DHRS3: variants seen among roughly 807,000 people sequenced by gnomAD.
DHRS3 encodes the protein short-chain dehydrogenase/reductase 3.
A neutral mutation model predicts 27.2 loss-of-function variants in DHRS3; 14 were observed. The observed-to-expected ratio is 0.52, with a 90% confidence interval of 0.34 to 0.81. The LOEUF (loss-of-function observed/expected upper bound fraction) is 0.81. Among genes scored for constraint, DHRS3 ranks in the 30% least tolerant of loss-of-function variants. The pLI is 0.01. For synonymous variants in DHRS3, 165 were observed against 175.9 expected, an observed-to-expected ratio of 0.94 and a Z score of 0.49; for missense variants, 322 against 406.2, an observed-to-expected ratio of 0.79 and a Z score of 1.78.
intron 1 of DHRS3, among the ~76,000 whole-genome samples, chr1:12,602,433 A>G (rs1646841758): frequency 6.6e-6 from 1 of 152,278 alleles, no homozygotes. Flanking sequence ...AAAGTCTCCA[A>G]TTCCCCCTGA....
rs543607539 is a variant in DHRS3, at chr1:12,591,178, T to C, written c.196-10512A>G. 1.1e-3 allele frequency among the ~76,000 whole-genome samples: 173 copies of C among 152,358 alleles called. No individual in the cohort carries two copies. The highest frequency in any genetic ancestry group is 0.01 in the Middle Eastern group (3 of 294). ...TAAAAATAGTAACAGCTAGCATTTA[T>C]TGGTGTAGCCCTAGGTCGTTACAGG... is the stretch of plus-strand genomic sequence containing the variant. On this transcript the variant is annotated intron_variant, in intron 1 of 5. Transcript: ENST00000616661. The surrounding 1 kb of genome is among the most constrained non-coding windows in gnomAD (Gnocchi z 4.1).
intron 1 of DHRS3, among the ~76,000 whole-genome samples, chr1:12,615,436 G>C (rs79244028): frequency 6.6e-6 from 1 of 152,132 alleles, no homozygotes; most frequent in Non-Finnish European, 1.5e-5. Context: ...TTTGGTTCCC[G>C]GTGCGTGAAC....
At chr1:12,590,120 A>G (rs1646732945) in intron 1 of DHRS3, among the ~76,000 whole-genome samples, 2 of 152,094 alleles carry the variant, frequency 1.3e-5, no homozygotes, top group Admixed American at 6.6e-5. Flanking sequence ...GTCCACCTGC[A>G]GAGCAAGCTG....
chr1:12,605,331 T>G lies in DHRS3; in HGVS notation c.195+11823A>C, dbSNP rs965504335. 3.3e-5 allele frequency among the ~76,000 whole-genome samples: 5 copies of G among 152,302 alleles called. No individual in the cohort carries two copies. The East Asian group carries it at 9.6e-4, about 29-fold the overall frequency. The stretch of plus-strand genomic sequence containing the variant: ...TCATTCTTGCATATTAATATGGTCT[T>G]GTAGAGTATCCATCTTGTATATTAC... On this transcript the variant is annotated intron_variant, in intron 1 of 5. Transcript: ENST00000616661.
intron 3 of DHRS3, 50 bp from the exon 4 acceptor site, chr1:12,579,006 C>A (rs902534175): frequency 1.3e-6 from 2 of 1,524,046 alleles, no homozygotes; most frequent in African/African-American, 1.4e-5. Flanking sequence ...TCTGACAACC[C>A]CTCCACCTTT....
chr1:12,604,235 C>A (rs761793507), intron 1 of DHRS3, among the ~76,000 whole-genome samples: 8 of 152,158 alleles, frequency 5.3e-5, no homozygotes, highest in Non-Finnish European at 1.2e-4. Context: ...AGCTCTCAGG[C>A]CACGCAGAGC....
chr1:12,611,934 AAAATAAAT>A (rs138133904), intron 1 of DHRS3, among the ~76,000 whole-genome samples: 1 of 144,744 alleles, frequency 6.9e-6, no homozygotes, highest in African/African-American at 2.6e-5. Flanking sequence ...CTCTATTTTT[AAAATAAAT>A]AAATAAATAA....
chr1:12,603,797 A>G (rs1646851767), intron 1 of DHRS3, among the ~76,000 whole-genome samples: 1 of 152,232 alleles, frequency 6.6e-6, no homozygotes, highest in African/African-American at 2.4e-5. Flanking sequence ...CAATGAGGTA[A>G]GAAAGGCTGG....
rs537640849 is a variant in DHRS3 at position 12,593,627 on chromosome 1, C to T, written c.196-12961G>A. On this transcript the variant is annotated intron_variant, in intron 1 of 5. Transcript: ENST00000616661. This position sits in a 1 kb window ranked among gnomAD's most constrained non-coding sequence, Gnocchi z 4.6. The stretch of plus-strand genomic sequence containing the variant: ...TCTACCCTTCTTTGATTTCCTCCTT[C>T]CCAGTTGCTGAGACAGGCATGTCTC... Among the ~76,000 whole-genome samples, 9 of 152,308 alleles carry T rather than the reference C, an allele frequency of 5.9e-5. No homozygotes were observed. Among genetic ancestry groups the T allele is most frequent in the Non-Finnish European group, 1.0e-4 (7 of 68,030 alleles).
intron 1 of DHRS3, among the ~76,000 whole-genome samples, chr1:12,595,224 G>A (rs1469826650): frequency 6.6e-6 from 1 of 152,198 alleles, no homozygotes; most frequent in Non-Finnish European, 1.5e-5. Context: ...AAAGTGCCCG[G>A]GCCGTCCCAA....
chr1:12,611,467 C>T (rs1331083811), intron 1 of DHRS3, among the ~76,000 whole-genome samples: 1 of 152,224 alleles, frequency 6.6e-6, no homozygotes, highest in Non-Finnish European at 1.5e-5. Flanking sequence ...CAGACAGCTA[C>T]CTGTTGAGGG....
At chr1:12,610,168 T>C (rs1401901956) in intron 1 of DHRS3, among the ~76,000 whole-genome samples, 3 of 152,040 alleles carry the variant, frequency 2.0e-5, no homozygotes, top group Non-Finnish European at 1.5e-5. Flanking sequence ...AACCTCCGCC[T>C]CCCAGGTTCA....
At chr1:12,604,974 G>A (rs531139358) in intron 1 of DHRS3, among the ~76,000 whole-genome samples, 1 of 152,124 alleles carries the variant, frequency 6.6e-6, no homozygotes, top group African/African-American at 2.4e-5. Flanking sequence ...GAACCTGGGA[G>A]GCGGAGGCAG....
chr1:12,613,091 G>C (rs1038765212), intron 1 of DHRS3, among the ~76,000 whole-genome samples: 1 of 151,364 alleles, frequency 6.6e-6, no homozygotes, highest in Admixed American at 6.6e-5. Flanking sequence ...ACGGGACGTA[G>C]ACACACACAG....
intron 1 of DHRS3, among the ~76,000 whole-genome samples, chr1:12,609,145 C>T (rs976013050): frequency 2.6e-5 from 4 of 152,208 alleles, no homozygotes; most frequent in African/African-American, 9.7e-5. Context: ...CTCATCCTTC[C>T]ACAGTGTTAG....
Position 12,568,255 on chromosome 1 carries a change from T to G in DHRS3, c.*85A>C. 7.8e-7 allele frequency: 1 copy of G among 1,279,692 alleles called. No homozygotes were observed. The highest frequency in any genetic ancestry group is 1.1e-6 in the Non-Finnish European group (1 of 880,428). The allele number at this position is 1,279,692 out of a possible 1,614,324, so 79.3% of individuals were successfully genotyped here. On this transcript the variant is annotated 3_prime_UTR_variant, in exon 6 of 6. Coordinates refer to ENST00000616661, the MANE Select transcript of DHRS3 (RefSeq NM_004753.7). ...CTGTCCTGCTCACCCAGCAGAAGCA[T>G]GCCAATGGACAGGTGCTCGGGTGTG...
intron 1 of DHRS3, chr1:12,616,923 C>T: frequency 1.2e-6 from 1 of 865,470 alleles, no homozygotes; most frequent in Non-Finnish European, 1.7e-6. Flanking sequence ...AGCCAGTCAG[C>T]CAGCCACCGA....
intron 1 of DHRS3, among the ~76,000 whole-genome samples, chr1:12,587,245 TGATCCTCCCACCTCA>T (rs1449001631): frequency 6.7e-6 from 1 of 149,530 alleles, no homozygotes; most frequent in African/African-American, 2.5e-5. Context: ...TGGGCTCAGG[TGATCCTCCCACCTCA>T]GCCTCCCAAG....
At chr1:12,616,502 G>T (rs140953325) in intron 1 of DHRS3, 5 of 953,764 alleles carry the variant, frequency 5.2e-6, no homozygotes, top group Non-Finnish European at 6.2e-6. Flanking sequence ...GGGTGTACTG[G>T]GGGGGAGGGG....
Sources: gnomAD v4.1 joint callset for allele counts (sites outside exome capture counted in the v4.1 genomes callset) on GRCh38, gnomAD v4.1.1 for gene constraint, Gnocchi (gnomAD v3.1) non-coding constraint, MANE v1.5 for transcripts, NCBI Gene and HGNC (gene_info 2026-07-23, HGNC 2026-07-21) for gene names.